The following BCL7B variants were observed in gnomAD, a reference collection of about 807,000 sequenced individuals.
BCL7B encodes the protein B-cell CLL/lymphoma 7 protein family member B.
A neutral mutation model predicts 26.5 loss-of-function variants in BCL7B; 11 were observed. The ratio of observed to expected loss-of-function variants is 0.42; its 90% CI spans 0.26 to 0.69. The LOEUF is 0.69. Among genes scored for constraint, BCL7B ranks in the 30% least tolerant of loss-of-function variants. BCL7B has a pLI of 0.28. For synonymous variants in BCL7B, 111 were observed against 107.9 expected, an observed-to-expected ratio of 1.03 and a Z score of -0.18; for missense variants, 215 against 264.4, an observed-to-expected ratio of 0.81 and a Z score of 1.30.
Position 73,540,015 on chromosome 7 carries a change from A to G in BCL7B, c.303T>C (p.Tyr101=). The part of the protein sequence containing the change: ...NSNQSSVSDV[Y]QLKVDSSTNS... ...TGGTGCTGCTGTCCACCTTAAGCTG[A>G]TAGACGTCAGACACGGAACTCTGGT... The change falls in exon 4 of 6, where the codon TAT becomes TAC. Residue 101 remains tyrosine, a synonymous_variant. Transcript: ENST00000223368. The G allele has an allele frequency of 6.2e-7, 1 of 1,614,060 alleles. No homozygotes were observed. Among genetic ancestry groups the G allele is most frequent in the Non-Finnish European group, 8.5e-7 (1 of 1,180,026 alleles).
intron 1 of BCL7B, 116 bp from the exon 2 acceptor site, chr7:73,552,358 T>C: frequency 1.2e-6 from 1 of 833,612 alleles, no homozygotes; most frequent in Middle Eastern, 2.3e-4. Flanking sequence ...CCTTCTGAAC[T>C]TCCTCTTGGT....
chr7:73,542,190 C>A (rs2115754990), intron 3 of BCL7B, among the ~76,000 whole-genome samples: 1 of 152,368 alleles, frequency 6.6e-6, no homozygotes, highest in African/African-American at 2.4e-5. Flanking sequence ...ACGGTACCTG[C>A]ATACAGTGGG....
intron 1 of BCL7B, among the ~76,000 whole-genome samples, chr7:73,553,230 G>A (rs1792244509): frequency 6.6e-6 from 1 of 151,938 alleles, no homozygotes; most frequent in East Asian, 1.9e-4. Context: ...ACAGGCATGA[G>A]CCACCACACC....
intron 3 of BCL7B, chr7:73,540,266 G>T: frequency 1.8e-6 from 1 of 547,206 alleles, no homozygotes; most frequent in South Asian, 2.4e-5. Flanking sequence ...AGGAAGGTCA[G>T]GATATGCTTA....
chr7:73,554,178 A>T (rs1792279740), intron 1 of BCL7B, among the ~76,000 whole-genome samples: 1 of 151,508 alleles, frequency 6.6e-6, no homozygotes, highest in South Asian at 2.1e-4. Context: ...GCCCAGGTTG[A>T]TCTTGAACTC....
intron 1 of BCL7B, chr7:73,556,937 C>T (rs1554584777): frequency 1.0e-6 from 1 of 989,888 alleles, no homozygotes; most frequent in Non-Finnish European, 1.2e-6. Flanking sequence ...AAATGCCTAC[C>T]AAGCTCGCGG....
intron 2 of BCL7B, among the ~76,000 whole-genome samples, chr7:73,551,815 G>A (rs1217608862): frequency 6.6e-6 from 1 of 152,092 alleles, no homozygotes; most frequent in Non-Finnish European, 1.5e-5. Flanking sequence ...AGGCAATTAG[G>A]CCGGGTGCAG....
intron 2 of BCL7B, among the ~76,000 whole-genome samples, chr7:73,548,054 G>A (rs765754578): frequency 6.6e-6 from 1 of 152,120 alleles, no homozygotes; most frequent in South Asian, 2.1e-4. Flanking sequence ...GGAGGCGGAG[G>A]CTGCAGTGAG....
chr7:73,555,990 G>A (rs540233485), intron 1 of BCL7B, among the ~76,000 whole-genome samples: 59 of 152,300 alleles, frequency 3.9e-4, no homozygotes, highest in African/African-American at 1.4e-3. Flanking sequence ...GAGTTTACAG[G>A]GAGGCTGGTA....
intron 1 of BCL7B, among the ~76,000 whole-genome samples, chr7:73,555,054 T>C (rs1183807173): frequency 1.3e-5 from 2 of 152,200 alleles, no homozygotes; most frequent in South Asian, 2.1e-4. Context: ...AATTCAAGAT[T>C]AGTCACTTAA....
At chr7:73,538,709 A>C (rs1554582429) in intron 4 of BCL7B, among the ~76,000 whole-genome samples, 2 of 149,900 alleles carry the variant, frequency 1.3e-5, no homozygotes, top group African/African-American at 4.9e-5. Context: ...ACTACTACGG[A>C]GTCTGAGGCA....
In BCL7B at chr7:73,537,916, C is replaced by T; in HGVS notation, c.516+18G>A. On this transcript the variant is annotated intron_variant, in intron 5 of 5. Coordinates refer to ENST00000223368, the MANE Select transcript of BCL7B (RefSeq NM_001707.4). ...ACCAAAAAAACAAAAAACTGGAAAA[C>T]TCAAAGTGATTGCTTACCTGTGTCT... The T allele has an allele frequency of 6.4e-7, 1 of 1,563,106 alleles. No homozygotes were observed. Among genetic ancestry groups the T allele is most frequent in the Middle Eastern group, 1.7e-4 (1 of 5,806 alleles).
chr7:73,543,753 G>C, intron 2 of BCL7B, 109 bp from the exon 3 acceptor site: 31 of 713,806 alleles, frequency 4.3e-5, no homozygotes, highest in Admixed American at 2.5e-5. Context: ...GACTGAACAG[G>C]AAAAACGACA....
intron 1 of BCL7B, chr7:73,557,009 C>T (rs1261683733): frequency 2.0e-6 from 2 of 987,612 alleles, no homozygotes; most frequent in East Asian, 1.1e-4. Context: ...CAGGCTTGCT[C>T]CCTTGACAGA....
intron 1 of BCL7B, among the ~76,000 whole-genome samples, chr7:73,555,253 A>T (rs576468854): frequency 6.6e-6 from 1 of 152,036 alleles, no homozygotes; most frequent in Non-Finnish European, 1.5e-5. Context: ...CAAAAATACA[A>T]AAAATTAGCT....
At chr7:73,542,308 GTTCCCT>G (rs1791799183) in intron 3 of BCL7B, among the ~76,000 whole-genome samples, 2 of 152,326 alleles carry the variant, frequency 1.3e-5, no homozygotes, top group South Asian at 4.1e-4. Context: ...ACACGTTGGT[GTTCCCT>G]TTCCAACAGC....
At chr7:73,541,444 G>A (rs577616939) in intron 3 of BCL7B, among the ~76,000 whole-genome samples, 10 of 151,982 alleles carry the variant, frequency 6.6e-5, no homozygotes, top group Admixed American at 2.6e-4. Context: ...GCTGCCTAAG[G>A]GAGAAATGTC....
chr7:73,545,112 A>T (rs1217639253), intron 2 of BCL7B, among the ~76,000 whole-genome samples: 1 of 152,110 alleles, frequency 6.6e-6, no homozygotes, highest in Non-Finnish European at 1.5e-5. Context: ...CCCAAAAGCC[A>T]AAAGTTTAAA....
chr7:73,541,466 T>C (rs1791768467), intron 3 of BCL7B, among the ~76,000 whole-genome samples: 1 of 128,712 alleles, frequency 7.8e-6, no homozygotes, highest in Non-Finnish European at 1.6e-5. Flanking sequence ...TACCCAGTAC[T>C]TTTTTTTTTT....
Sources: allele counts gnomAD v4.1 joint callset (sites outside exome capture counted in the v4.1 genomes callset), GRCh38; gene constraint gnomAD v4.1.1; transcripts MANE v1.5; gene names NCBI Gene and HGNC (gene_info 2026-07-23, HGNC 2026-07-21).